The following BTBD16 variants were observed in gnomAD, a reference collection of about 807,000 sequenced individuals.
The protein encoded by BTBD16 is BTB domain containing 16.
Under a neutral mutation model 67.4 loss-of-function variants are expected in BTBD16, and 66 were observed. The ratio of observed to expected loss-of-function variants is 0.98; its 90% CI spans 0.80 to 1.20. BTBD16 has a LOEUF of 1.20. Among genes scored for constraint, BTBD16 ranks in the 50% most tolerant of loss-of-function variants. The probability of loss-of-function intolerance (pLI) is 0.00; values close to 1 mark genes in which losing one functional copy is unlikely to be tolerated. For missense variants in BTBD16, 634 were observed against 616.0 expected (o/e 1.03, Z -0.31); for synonymous variants, 242 against 236.4 (o/e 1.02, Z -0.22).
chr10:122,287,578 G>T (rs12416151), intron 5 of BTBD16: 123,892 of 654,332 alleles, frequency 0.19, 12,332 homozygotes, highest in South Asian at 0.27. Flanking sequence ...TCAAGCCATG[G>T]GATTCACGTC....
chr10:122,273,254 A>G (rs2096333267), intron 1 of BTBD16, among the ~76,000 whole-genome samples: 1 of 149,618 alleles, frequency 6.7e-6, no homozygotes. Flanking sequence ...ATACACACAT[A>G]CATACATATA....
intron 7 of BTBD16, 117 bp from the exon 8 acceptor site, chr10:122,297,651 C>A: frequency 1.8e-6 from 2 of 1,106,896 alleles, no homozygotes; most frequent in Non-Finnish European, 2.7e-6. Context: ...TAAAGCGAGG[C>A]TCCCTTCCGT....
At position 122,338,112 on chromosome 10, in the gene BTBD16, T is replaced by C. The variant is rs186844859; in HGVS notation, c.*27T>C. ...AGTTTCCAGAAGAATCTATGGGATT[T>C]TCCCCCCACTGGTCTGCATAAAAGA... On this transcript the variant is annotated 3_prime_UTR_variant, in exon 16 of 16. Transcript: ENST00000260723. 37 of 1,511,362 alleles carry C rather than the reference T, an allele frequency of 2.4e-5. No homozygotes were observed. In the East Asian group the frequency reaches 7.4e-4, roughly 30 times the overall value. 93.6% of individuals were successfully genotyped at this position (1,511,362 alleles called of 1,614,324 possible). A position where few individuals can be genotyped will look rare whatever the true frequency, so the allele number is the denominator to read the frequency against.
Position 122,286,219 on chromosome 10 carries a change from C to G in BTBD16, c.356C>G (p.Pro119Arg). The G allele has an allele frequency of 6.2e-7, 1 of 1,611,802 alleles. No individual in the cohort carries two copies. Among genetic ancestry groups the G allele is most frequent in the Middle Eastern group, 1.7e-4 (1 of 6,048 alleles). The change falls in exon 5 of 16, where the codon CCC becomes CGC. Residue 119 changes from proline (P) to arginine (R), a missense_variant. Transcript: ENST00000260723. ...GCCCTGGCGCAGGGCACCACACACC[C>G]CCTGAGGGAGCTGGAGGAGCTTCTG... The part of the protein sequence containing the change: ...LKALAQGTTH[P>R]LRELEELLRA...
intron 3 of BTBD16, among the ~76,000 whole-genome samples, chr10:122,277,990 G>A (rs1406674015): frequency 1.3e-5 from 2 of 152,144 alleles, no homozygotes; most frequent in Admixed American, 6.5e-5. Context: ...TGTACTCCTG[G>A]GACAGCACCT....
chr10:122,285,999 G>A (rs1336917616), intron 4 of BTBD16, 106 bp from the exon 5 acceptor site: 4 of 1,139,204 alleles, frequency 3.5e-6, no homozygotes, highest in Non-Finnish European at 3.8e-6. Flanking sequence ...CCTGCTTCAT[G>A]TGCTTAATGA....
chr10:122,331,258 A>T lies in BTBD16; in HGVS notation c.1086A>T (p.Ala362=). 1 of 1,613,156 alleles carries T rather than the reference A, an allele frequency of 6.2e-7. No individual in the cohort carries two copies. Among genetic ancestry groups the T allele is most frequent in the Non-Finnish European group, 8.5e-7 (1 of 1,179,786 alleles). Residue 362 remains alanine, a splice_region_variant and synonymous_variant, in exon 12 of 16, where the codon GCA becomes GCT. Coordinates refer to ENST00000260723, the MANE Select transcript of BTBD16 (RefSeq NM_144587.5). ...AGGTTACAGTCAACCATTACCACGC[A>T]GTGAGTTGCCTGCTCTGCAAGGACA... ...LDQVTVNHYH[A]LENGGDMVHL... is the part of the protein sequence containing the mutation.
At chr10:122,313,257 G>GTTTT (rs58984425) in intron 10 of BTBD16, among the ~76,000 whole-genome samples, 9 of 139,136 alleles carry the variant, frequency 6.5e-5, no homozygotes, top group South Asian at 2.2e-4. Flanking sequence ...AGTTAGTGCT[G>GTTTT]TTTTTTTTTT....
At chr10:122,335,549 C>A (rs1037186006) in intron 14 of BTBD16, among the ~76,000 whole-genome samples, 12 of 152,242 alleles carry the variant, frequency 7.9e-5, no homozygotes, top group African/African-American at 2.4e-4. Context: ...GAACTCTCCT[C>A]TGTGCAGTTT....
intron 10 of BTBD16, among the ~76,000 whole-genome samples, chr10:122,325,677 TAGA>T (rs888167031): frequency 1.6e-4 from 24 of 152,076 alleles, no homozygotes; most frequent in African/African-American, 4.3e-4. Context: ...TATAGATAGA[TAGA>T]TTTTTTTTTT....
chr10:122,280,078 C>T (rs1291161659), intron 3 of BTBD16, among the ~76,000 whole-genome samples: 1 of 152,140 alleles, frequency 6.6e-6, no homozygotes, highest in Non-Finnish European at 1.5e-5. Flanking sequence ...CTTTTGCAGG[C>T]TCTGGGGCAC....
chr10:122,297,805 A>C lies in BTBD16; in HGVS notation c.628A>C (p.Thr210Pro). 1 of 1,614,150 alleles carries C rather than the reference A, an allele frequency of 6.2e-7. No individual in the cohort carries two copies. Among genetic ancestry groups the C allele is most frequent in the Non-Finnish European group, 8.5e-7 (1 of 1,180,016 alleles). The change falls in exon 8 of 16, where the codon ACC becomes CCC. Residue 210 changes from threonine to proline, a missense_variant. By Grantham distance (38) the Thr-to-Pro change is conservative (BLOSUM62 -1). Transcript: ENST00000260723. The part of the protein sequence containing the change: ...DVMIARLKPS[T>P]IKKFYEAGCK... ...GATGATAGCCAGACTCAAGCCAAGCACCATCAAGAAATTCTACGAGGCCGG... is the reference window on the plus strand; with the variant it reads ...GATGATAGCCAGACTCAAGCCAAGCCCCATCAAGAAATTCTACGAGGCCGG...
intron 4 of BTBD16, 24 bp from the exon 5 acceptor site, chr10:122,286,081 C>A: frequency 6.2e-7 from 1 of 1,605,534 alleles, no homozygotes; most frequent in Non-Finnish European, 8.5e-7. Flanking sequence ...GATGTGTTTG[C>A]TCAGCATCAT....
At chr10:122,310,909 T>A (rs1306417441) in intron 10 of BTBD16, among the ~76,000 whole-genome samples, 5 of 152,160 alleles carry the variant, frequency 3.3e-5, no homozygotes, top group Non-Finnish European at 7.3e-5. Flanking sequence ...GGGCATGGCC[T>A]TGGCTGGCCC....
intron 6 of BTBD16, among the ~76,000 whole-genome samples, 177 bp from the exon 7 acceptor site, chr10:122,290,903 G>A (rs1318242448): frequency 1.3e-5 from 2 of 152,128 alleles, no homozygotes; most frequent in Non-Finnish European, 2.9e-5. Context: ...AACTCCTTTG[G>A]GAAGGCTGGT....
At chr10:122,296,299 A>C (rs1390945532) in intron 7 of BTBD16, among the ~76,000 whole-genome samples, 5 of 152,168 alleles carry the variant, frequency 3.3e-5, no homozygotes, top group Non-Finnish European at 7.3e-5. Flanking sequence ...CAAAAGCGGC[A>C]CACCAAAATG....
rs764687162 is a variant in BTBD16 at position 122,331,141 on chromosome 10, A to C, written c.1004-35A>C. On this transcript the variant is annotated intron_variant, in intron 11 of 15. Coordinates refer to ENST00000260723, the MANE Select transcript of BTBD16 (RefSeq NM_144587.5). ...GACTTTTGAGGCTCTGGTGTGAATA[A>C]AACTAAAAAACATTCTCTTTGCGTT... 11 of 1,601,988 alleles carry C rather than the reference A, an allele frequency of 6.9e-6. No homozygotes were observed. The South Asian group carries it at 1.0e-4, about 15-fold the overall frequency.
intron 3 of BTBD16, among the ~76,000 whole-genome samples, chr10:122,281,506 C>T (rs2096353094): frequency 6.6e-6 from 1 of 152,092 alleles, no homozygotes; most frequent in African/African-American, 2.4e-5. Flanking sequence ...CTAAAGCGGT[C>T]CTCCTCCCTC....
intron 9 of BTBD16, among the ~76,000 whole-genome samples, chr10:122,302,602 T>G (rs1234825363): frequency 6.6e-6 from 1 of 152,260 alleles, no homozygotes; most frequent in Non-Finnish European, 1.5e-5. Flanking sequence ...ATCTGTCCCA[T>G]GGCTTTGCCC....
Sources: gnomAD v4.1 joint callset for allele counts (sites outside exome capture counted in the v4.1 genomes callset) on GRCh38, gnomAD v4.1.1 for gene constraint, MANE v1.5 for transcripts, NCBI Gene and HGNC (gene_info 2026-07-23, HGNC 2026-07-21) for gene names.